Variants in MSRA observed in about 807,000 individuals in gnomAD.
The protein encoded by MSRA is mitochondrial peptide methionine sulfoxide reductase.
In MSRA, 54 loss-of-function variants were observed where a neutral mutation model predicts 31.3. The observed-to-expected ratio is 1.73, with a 90% confidence interval of 1.39 to 2.17. MSRA has a LOEUF of 2.17. MSRA is among the 30% of genes most tolerant of loss of function. The pLI is 0.00. For synonymous variants in MSRA, 169 were observed against 116.5 expected, an observed-to-expected ratio of 1.45 and a Z score of -2.90; for missense variants, 507 against 300.9, an observed-to-expected ratio of 1.69 and a Z score of -5.07.
At chr8:10,274,310 T>C (rs548734303) in intron 3 of MSRA, among the ~76,000 whole-genome samples, 2 of 152,228 alleles carry the variant, frequency 1.3e-5, no homozygotes, top group African/African-American at 4.8e-5. Context: ...AACAGCTGCC[T>C]GAGGGAGGGA....
intron 5 of MSRA, among the ~76,000 whole-genome samples, chr8:10,352,945 C>T (rs1804272806): frequency 6.6e-6 from 1 of 152,138 alleles, no homozygotes; most frequent in Non-Finnish European, 1.5e-5. Context: ...CTTGCAATCT[C>T]TCCATTGCCC....
chr8:10,371,923 A>T (rs540122072), intron 5 of MSRA, among the ~76,000 whole-genome samples: 1 of 152,304 alleles, frequency 6.6e-6, no homozygotes, highest in South Asian at 2.1e-4. Flanking sequence ...GGATTTCCAG[A>T]AGTCTTTCCT....
intron 2 of MSRA, among the ~76,000 whole-genome samples, chr8:10,244,244 A>G (rs550732691): frequency 6.6e-6 from 1 of 152,314 alleles, no homozygotes; most frequent in South Asian, 2.1e-4. Context: ...GGGCCATAGA[A>G]CACCAATTGT....
chr8:10,326,390 G>A (rs1026328426), intron 5 of MSRA: 1 of 152,202 alleles, frequency 6.6e-6, no homozygotes, highest in East Asian at 1.9e-4. Flanking sequence ...CTGCAAAGTT[G>A]GCTGGGTTGT....
At chr8:10,128,461 G>C (rs1386285820) in intron 1 of MSRA, among the ~76,000 whole-genome samples, 1 of 152,104 alleles carries the variant, frequency 6.6e-6, no homozygotes, top group Non-Finnish European at 1.5e-5. Context: ...TACATTGCTG[G>C]ATTTGCCATA....
chr8:10,362,230 C>T (rs1020330321), intron 5 of MSRA, among the ~76,000 whole-genome samples: 3 of 152,100 alleles, frequency 2.0e-5, no homozygotes, highest in Non-Finnish European at 2.9e-5. Flanking sequence ...CTAGTGCCTG[C>T]CCCAGTGCAG....
intron 4 of MSRA, among the ~76,000 whole-genome samples, chr8:10,317,305 C>G (rs1391737638): frequency 6.6e-6 from 1 of 152,202 alleles, no homozygotes; most frequent in African/African-American, 2.4e-5. Flanking sequence ...ACACATTTAT[C>G]ACGTCTGCAA....
chr8:10,277,221 A>T (rs1799366065), intron 3 of MSRA, among the ~76,000 whole-genome samples: 1 of 152,208 alleles, frequency 6.6e-6, no homozygotes, highest in Non-Finnish European at 1.5e-5. Context: ...TAAGTCTCGT[A>T]TCTTTTTCTC....
chr8:10,130,067 T>G (rs539242141), intron 1 of MSRA, among the ~76,000 whole-genome samples: 4 of 152,302 alleles, frequency 2.6e-5, no homozygotes, highest in African/African-American at 9.6e-5. Context: ...GGTGGGATGT[T>G]GAAGGGGCAT....
chr8:10,081,320 C>G (rs1034170922), intron 1 of MSRA, among the ~76,000 whole-genome samples: 1 of 152,212 alleles, frequency 6.6e-6, no homozygotes, highest in Non-Finnish European at 1.5e-5. Context: ...GGGCCTCCTG[C>G]TCCTTGGCTT....
chr8:10,217,382 G>C (rs1284443650), intron 2 of MSRA, among the ~76,000 whole-genome samples: 2 of 152,210 alleles, frequency 1.3e-5, no homozygotes, highest in Non-Finnish European at 2.9e-5. Flanking sequence ...ATCTCTGCAG[G>C]TGCTAGCGTG....
intron 2 of MSRA, among the ~76,000 whole-genome samples, chr8:10,237,414 A>G (rs1812037227): frequency 3.3e-5 from 5 of 152,276 alleles, no homozygotes; most frequent in Admixed American, 2.6e-4. Context: ...GACTAAATTT[A>G]CAAATAAACT....
At chr8:10,158,088 C>T (rs186101560) in intron 1 of MSRA, among the ~76,000 whole-genome samples, 13 of 152,282 alleles carry the variant, frequency 8.5e-5, no homozygotes, top group Admixed American at 3.3e-4. Flanking sequence ...CACCTTCTTA[C>T]GGTGTCCTCA....
At chr8:10,301,089 G>A (rs1159861761) in intron 3 of MSRA, among the ~76,000 whole-genome samples, 1 of 152,158 alleles carries the variant, frequency 6.6e-6, no homozygotes, top group African/African-American at 2.4e-5. Flanking sequence ...TTTTTTACAG[G>A]TTTCTCTCCC....
intron 4 of MSRA, among the ~76,000 whole-genome samples, chr8:10,319,604 G>A (rs1333483336): frequency 2.6e-5 from 4 of 151,450 alleles, no homozygotes; most frequent in African/African-American, 9.7e-5. Flanking sequence ...TCATGTAAAA[G>A]TATGTATTCA....
At chr8:10,397,965 T>G (rs933395089) in intron 5 of MSRA, among the ~76,000 whole-genome samples, 2 of 152,216 alleles carry the variant, frequency 1.3e-5, no homozygotes, top group African/African-American at 4.8e-5. Flanking sequence ...AGCCTTGAAC[T>G]TGGGCTATAA....
chr8:10,400,331 G>A (rs1807375507), intron 5 of MSRA, among the ~76,000 whole-genome samples: 1 of 151,166 alleles, frequency 6.6e-6, no homozygotes, highest in Admixed American at 6.6e-5. Context: ...AAGGTCAGGA[G>A]GACTCCATGG....
chr8:10,067,507 T>A (rs553866922), intron 1 of MSRA, among the ~76,000 whole-genome samples: 7 of 152,314 alleles, frequency 4.6e-5, no homozygotes, highest in African/African-American at 1.7e-4. Flanking sequence ...TTATTCAAGT[T>A]TTTGTGTGGT....
At chr8:10,400,174 G>A (rs111872927) in intron 5 of MSRA, among the ~76,000 whole-genome samples, 37 of 152,176 alleles carry the variant, frequency 2.4e-4, no homozygotes, top group Admixed American at 5.2e-4. Flanking sequence ...TGCATGTTAC[G>A]TGATCACTCT....
Sources: allele counts gnomAD v4.1 joint callset (sites outside exome capture counted in the v4.1 genomes callset), GRCh38; gene constraint gnomAD v4.1.1; transcripts MANE v1.5; gene names NCBI Gene and HGNC (gene_info 2026-07-23, HGNC 2026-07-21).